RAI1: variants seen among roughly 807,000 people sequenced by gnomAD.
RAI1 encodes the protein retinoic acid induced 1, also known as retinoic acid-induced protein 1.
A neutral mutation model predicts 123.8 loss-of-function variants in RAI1; 9 were observed. The observed-to-expected ratio is 0.07, with a 90% CI of 0.04 to 0.13. The LOEUF (loss-of-function observed/expected upper bound fraction) is 0.13, where lower values mean the gene tolerates loss of function less well. Ranked by LOEUF, RAI1 falls within the 10% of genes least tolerant of loss-of-function variation. The probability of loss-of-function intolerance (pLI) is 1.00; values close to 1 mark genes in which losing one functional copy is unlikely to be tolerated. For synonymous variants in RAI1, 1,231 were observed against 1,127.3 expected, an observed-to-expected ratio of 1.09 and a Z score of -1.84; for missense variants, 2,256 against 2,545.8, an observed-to-expected ratio of 0.89 and a Z score of 2.45.
At chr17:17,691,661 G>T (rs1914840930) in intron 1 of RAI1, among the ~76,000 whole-genome samples, 2 of 152,146 alleles carry the variant, frequency 1.3e-5, no homozygotes, top group African/African-American at 2.4e-5. Flanking sequence ...GTCAGAAAAA[G>T]GCCTGGCCTC....
chr17:17,794,933 G>C lies in RAI1; in HGVS notation c.1985G>C (p.Gly662Ala). Residue 662 changes from glycine to alanine, a missense_variant, in exon 3 of 6, where the codon GGG (glycine) becomes GCG (alanine). Physicochemically the swap from Gly to Ala is moderately conservative, Grantham distance 60 (BLOSUM62 0). This residue lies in a region of RAI1 where 566 missense variants were observed against 616.0 expected (regional missense o/e 0.92). Coordinates refer to ENST00000353383, the MANE Select transcript of RAI1 (RefSeq NM_030665.4). ...SVAKSAWPRP[G>A]EPEALPDSLQ... ...GCCAAGAGTGCGTGGCCCCGGCCTG[G>C]GGAGCCGGAGGCCCTGCCCGACTCC... 1 of 1,613,684 alleles carries C rather than the reference G, an allele frequency of 6.2e-7. No homozygotes were observed. The highest frequency in any genetic ancestry group is 8.5e-7 in the Non-Finnish European group (1 of 1,180,026).
At chr17:17,766,521 G>A (rs2030939304) in intron 2 of RAI1, among the ~76,000 whole-genome samples, 1 of 152,218 alleles carries the variant, frequency 6.6e-6, no homozygotes, top group Non-Finnish European at 1.5e-5. Context: ...CTCTGGGCAG[G>A]AGGTGGCTCT....
rs587780428 is a variant in RAI1, at chr17:17,793,779, C to CCAGCAACAG, written c.836_837insACAGCAGCA (p.Gln289_Gln291dup). The CCAGCAACAG allele has an allele frequency of 2.2e-6, 3 of 1,357,286 alleles. No homozygotes were observed. Among genetic ancestry groups the CCAGCAACAG allele is most frequent in the Middle Eastern group, 2.0e-4 (1 of 5,028 alleles). The allele number at this position is 1,357,286 out of a possible 1,614,324, so 84.1% of individuals were successfully genotyped here. ...ACCAGTCGGGCCGCCTCAGCTATGA[C>CCAGCAACAG]CAGCAGCAGCAGCAGCAGCAGCAGC... On this transcript the variant is annotated inframe_insertion, in exon 3 of 6. Transcript: ENST00000353383.
In RAI1 at chr17:17,797,480, C is replaced by T. The variant is rs548056226; in HGVS notation, c.4532C>T (p.Pro1511Leu). Residue 1511 changes from proline (P) to leucine (L), a missense_variant, in exon 3 of 6, where the codon CCG becomes CTG. Pro to Leu is a moderately conservative substitution (Grantham distance 98, BLOSUM62 -3). Transcript: ENST00000353383. Reference sequence around the variant, plus strand: ...GAGCTGGGCCTGGCCTCCCAGCCCCCGGAGGGCAGGCCCTGCCAGCCCCAG... The same window carrying T: ...GAGCTGGGCCTGGCCTCCCAGCCCCTGGAGGGCAGGCCCTGCCAGCCCCAG... ...MEELGLASQP[P>L]EGRPCQPQTR... 1.4e-5 allele frequency: 22 copies of T among 1,613,240 alleles called. No homozygotes were observed. The highest frequency in any genetic ancestry group is 1.3e-4 in the Admixed American group (8 of 59,920).
chr17:17,804,098 C>T, intron 4 of RAI1: 1 of 577,898 alleles, frequency 1.7e-6, no homozygotes, highest in Non-Finnish European at 3.2e-6. Context: ...AAGATAGAAG[C>T]ATAAATTACA....
chr17:17,696,485 T>G (rs114865672), intron 1 of RAI1, among the ~76,000 whole-genome samples: 1,692 of 152,318 alleles, frequency 0.011, 16 homozygotes, highest in African/African-American at 0.029. Flanking sequence ...TATATAGCAG[T>G]TGATATTCCG....
At chr17:17,741,353 G>A (rs1290880744) in intron 2 of RAI1, among the ~76,000 whole-genome samples, 3 of 152,132 alleles carry the variant, frequency 2.0e-5, no homozygotes, top group Non-Finnish European at 4.4e-5. Flanking sequence ...GGGCGGGCTC[G>A]GCCACCTTCC....
intron 1 of RAI1, among the ~76,000 whole-genome samples, chr17:17,701,383 T>A (rs1228500949): frequency 6.6e-6 from 1 of 152,058 alleles, no homozygotes; most frequent in Non-Finnish European, 1.5e-5. Context: ...CTAATGGTAT[T>A]CTCTGTGGGA....
rs1163260866 is a variant in RAI1, at chr17:17,810,788, C to T, written c.*807C>T. ...GGGAGCGCAAAACCCAAGAAGCGGC[C>T]AGAACGCACCTCCGGCTCCGGCGGA... On this transcript the variant is annotated 3_prime_UTR_variant, in exon 6 of 6. Transcript: ENST00000353383. This position sits in a 1 kb window ranked among gnomAD's most constrained non-coding sequence, Gnocchi z 4.6. 1 of 454,980 alleles carries T rather than the reference C, an allele frequency of 2.2e-6. No homozygotes were observed. Among genetic ancestry groups the T allele is most frequent in the South Asian group, 1.6e-5 (1 of 64,472 alleles). The allele number at this position is 454,980 out of a possible 1,614,324, so 28.2% of individuals were successfully genotyped here.
chr17:17,710,905 C>T (rs1915545493), intron 1 of RAI1, among the ~76,000 whole-genome samples: 1 of 152,240 alleles, frequency 6.6e-6, no homozygotes, highest in Non-Finnish European at 1.5e-5. Context: ...TACTCCAGAG[C>T]TCTCCTGAGG....
At position 17,800,180 on chromosome 17, in the gene RAI1, G is replaced by GTCTCTCTCTCTCTCTCTCTCTCTC. The variant is rs58147049; in HGVS notation, c.5565+1692_5565+1715dup. Among the ~76,000 whole-genome samples, 30 of 116,382 alleles carry GTCTCTCTCTCTCTCTCTCTCTCTC rather than the reference G, an allele frequency of 2.6e-4. No individual in the cohort carries two copies. The highest frequency in any genetic ancestry group is 4.2e-4 in the East Asian group (2 of 4,712). The allele number at this position is 116,382 out of a possible 152,430, so 76.4% of individuals were successfully genotyped here. On this transcript the variant is annotated intron_variant, in intron 3 of 5. Transcript: ENST00000353383. This position sits in a 1 kb window ranked among gnomAD's most constrained non-coding sequence, Gnocchi z 4.7. ...TCTCTCCTGCTTTCTGTCTCTCTCTGTCTCTCTCTCTCTCTCTCTCTCTCT... is the reference window on the plus strand; with the variant it reads ...TCTCTCCTGCTTTCTGTCTCTCTCTGTCTCTCTCTCTCTCTCTCTCTCTCTCTCTCTCTCTCTCTCTCTCTCTCT...
At chr17:17,723,437 TC>T (rs1366374413) in intron 1 of RAI1, among the ~76,000 whole-genome samples, 1 of 144,318 alleles carries the variant, frequency 6.9e-6, no homozygotes, top group Admixed American at 7.3e-5. Context: ...AGCCAAGACC[TC>T]ACCCGCAGGC....
chr17:17,692,204 G>A (rs1368452782), intron 1 of RAI1, among the ~76,000 whole-genome samples: 2 of 152,206 alleles, frequency 1.3e-5, no homozygotes, highest in Non-Finnish European at 2.9e-5. Flanking sequence ...CAGGAGCCTG[G>A]GGAGCTGAAC....
rs1914881802 is a variant in RAI1, at chr17:17,692,686, C to T, written c.-149+10893C>T. On this transcript the variant is annotated intron_variant, in intron 1 of 5. Transcript: ENST00000353383. ...AAGTGAAGGCTTGCAGTCAGACAGC[C>T]ATGAGCTTGGCTTCTGACCAAAGCA... Among the ~76,000 whole-genome samples the T allele has an allele frequency of 2.6e-5, 4 of 152,246 alleles. No homozygotes were observed. The South Asian group carries it at 8.3e-4, about 31-fold the overall frequency.
In RAI1 at chr17:17,684,582, AG is replaced by A. The variant is rs1401193912; in HGVS notation, c.-149+2790del. ...ATAAGCCAGAAATATATGTAGTAAAAGTAAAAGTTCCCTTGGCACCCTCCCT... is the reference window on the plus strand; with the variant it reads ...ATAAGCCAGAAATATATGTAGTAAAATAAAAGTTCCCTTGGCACCCTCCCT... On this transcript the variant is annotated intron_variant, in intron 1 of 5. Transcript: ENST00000353383. The A allele has an allele frequency of 2.6e-5, 4 of 151,496 alleles. No homozygotes were observed. In the East Asian group the frequency reaches 7.8e-4, roughly 29 times the overall value. 9.4% of individuals were successfully genotyped at this position (151,496 alleles called of 1,614,324 possible). A position where few individuals can be genotyped will look rare whatever the true frequency, so the allele number is the denominator to read the frequency against.
At chr17:17,776,218 G>A (rs1255118871) in intron 2 of RAI1, among the ~76,000 whole-genome samples, 1 of 152,222 alleles carries the variant, frequency 6.6e-6, no homozygotes. Flanking sequence ...TCAAACAGCT[G>A]GAAAGTGGCA....
rs1226592901 is a variant in RAI1 at position 17,700,307 on chromosome 17, C to T, written c.-149+18514C>T. ...GGAACCCCTGAGACGAGGTCAAGCT[C>T]CGCGGCCCGCCTCCTGTCGCCCGGC... On this transcript the variant is annotated intron_variant, in intron 1 of 5. Transcript: ENST00000353383. Among the ~76,000 whole-genome samples the T allele has an allele frequency of 3.3e-5, 5 of 152,102 alleles. No homozygotes were observed. The South Asian group carries it at 1.0e-3, about 31-fold the overall frequency.
At chr17:17,730,673 G>A (rs1916239672) in intron 2 of RAI1, among the ~76,000 whole-genome samples, 1 of 152,224 alleles carries the variant, frequency 6.6e-6, no homozygotes. Context: ...GGGCAGGGAC[G>A]GCAAAGCTGG....
At chr17:17,725,833 C>T (rs1483755567) in intron 2 of RAI1, among the ~76,000 whole-genome samples, 3 of 151,978 alleles carry the variant, frequency 2.0e-5, no homozygotes, top group Admixed American at 6.5e-5. Context: ...AAGAGAATTC[C>T]TGGGGGAGAG....
Sources: allele counts gnomAD v4.1 joint callset (sites outside exome capture counted in the v4.1 genomes callset), GRCh38; gene constraint gnomAD v4.1.1; regional missense constraint gnomAD v4.1.1; non-coding constraint Gnocchi (gnomAD v3.1); transcripts MANE v1.5; gene names NCBI Gene and HGNC (gene_info 2026-07-23, HGNC 2026-07-21).